The following TMEM200A variants were observed in gnomAD, a reference collection of about 807,000 sequenced individuals.
The protein encoded by TMEM200A is two transmembrane C.
In TMEM200A, 12 loss-of-function variants were observed where a neutral mutation model predicts 24.3. The ratio of observed to expected loss-of-function variants is 0.49; its 90% CI spans 0.32 to 0.80. TMEM200A has a LOEUF of 0.80. Ranked by LOEUF, TMEM200A falls within the 30% of genes least tolerant of loss-of-function variation. The pLI, the probability that TMEM200A is intolerant of heterozygous loss-of-function variation, is 0.04. For synonymous variants in TMEM200A, 224 were observed against 224.4 expected (o/e 1.00, Z 0.02); for missense variants, 545 against 614.4 (o/e 0.89, Z 1.19).
chr6:130,377,938 G>A (rs1778500504), intron 1 of TMEM200A, among the ~76,000 whole-genome samples: 8 of 152,182 alleles, frequency 5.3e-5, no homozygotes. Flanking sequence ...TCTGACATTT[G>A]AGCAGAGACC....
chr6:130,410,048 A>G (rs1175355842), intron 2 of TMEM200A, among the ~76,000 whole-genome samples: 2 of 152,340 alleles, frequency 1.3e-5, no homozygotes, highest in Admixed American at 6.5e-5. Flanking sequence ...ATTTCTTTAA[A>G]ATAAAATGCT....
intron 2 of TMEM200A, among the ~76,000 whole-genome samples, chr6:130,425,298 A>T (rs989171862): frequency 6.1e-5 from 9 of 148,382 alleles, no homozygotes; most frequent in African/African-American, 2.2e-4. Context: ...ATTGGTCTGG[A>T]TTGAAAACAA....
intron 2 of TMEM200A, among the ~76,000 whole-genome samples, chr6:130,400,269 G>A (rs1314791692): frequency 6.6e-6 from 1 of 151,998 alleles, no homozygotes; most frequent in Non-Finnish European, 1.5e-5. Context: ...ATACCCACTA[G>A]TGGGATTGCT....
At chr6:130,371,026 A>G (rs1405118777) in intron 1 of TMEM200A, among the ~76,000 whole-genome samples, 1 of 152,216 alleles carries the variant, frequency 6.6e-6, no homozygotes, top group Non-Finnish European at 1.5e-5. Context: ...GTTTCCAATT[A>G]GAGTAATGGC....
At chr6:130,438,445 C>G (rs1430493687) in intron 2 of TMEM200A, 1 of 152,164 alleles carries the variant, frequency 6.6e-6, no homozygotes, top group Non-Finnish European at 1.5e-5. Flanking sequence ...TTGCCAAAGA[C>G]CTTGTGGAAC....
At chr6:130,395,496 C>T (rs907723175) in intron 2 of TMEM200A, among the ~76,000 whole-genome samples, 6 of 152,204 alleles carry the variant, frequency 3.9e-5, no homozygotes, top group South Asian at 2.1e-4. Context: ...AATGATTATT[C>T]GAAACAACTA....
intron 1 of TMEM200A, among the ~76,000 whole-genome samples, chr6:130,384,078 A>G (rs1229979156): frequency 2.0e-5 from 3 of 152,114 alleles, no homozygotes; most frequent in African/African-American, 7.2e-5. Flanking sequence ...TGAGATGCCA[A>G]CACTGCACTC....
chr6:130,406,256 G>A (rs978279255), intron 2 of TMEM200A, among the ~76,000 whole-genome samples: 3 of 152,046 alleles, frequency 2.0e-5, no homozygotes, highest in African/African-American at 7.3e-5. Context: ...AAATATATGT[G>A]CAGCTTAAAG....
chr6:130,431,674 C>T (rs886116800), intron 2 of TMEM200A, among the ~76,000 whole-genome samples: 1 of 152,092 alleles, frequency 6.6e-6, no homozygotes, highest in Non-Finnish European at 1.5e-5. Context: ...TACTTGGCCT[C>T]CTGGAGACTT....
At chr6:130,419,070 C>T (rs1779521296) in intron 2 of TMEM200A, among the ~76,000 whole-genome samples, 1 of 152,088 alleles carries the variant, frequency 6.6e-6, no homozygotes, top group African/African-American at 2.4e-5. Context: ...TACCACCACT[C>T]CCCCTCAGTC....
chr6:130,430,861 G>C (rs1218653630), intron 2 of TMEM200A, among the ~76,000 whole-genome samples: 1 of 152,142 alleles, frequency 6.6e-6, no homozygotes, highest in Admixed American at 6.5e-5. Flanking sequence ...TGTTTGTATA[G>C]AATTTTAAGA....
chr6:130,407,604 A>G (rs1007493551), intron 2 of TMEM200A, among the ~76,000 whole-genome samples: 5 of 152,250 alleles, frequency 3.3e-5, no homozygotes, highest in African/African-American at 1.2e-4. Context: ...GATTTGGTCA[A>G]TATCATAAAT....
chr6:130,416,516 C>T (rs1034309880), intron 2 of TMEM200A, among the ~76,000 whole-genome samples: 28 of 152,136 alleles, frequency 1.8e-4, no homozygotes, highest in African/African-American at 6.5e-4. Flanking sequence ...TGGGCATCAT[C>T]TTGATAGCTG....
At chr6:130,372,247 AG>A (rs1441082419) in intron 1 of TMEM200A, among the ~76,000 whole-genome samples, 10 of 152,226 alleles carry the variant, frequency 6.6e-5, no homozygotes, top group Non-Finnish European at 1.3e-4. Context: ...ATGGTTGTGA[AG>A]GAAGACAGTA....
chr6:130,428,703 C>T (rs1239195095), intron 2 of TMEM200A, among the ~76,000 whole-genome samples: 1 of 152,136 alleles, frequency 6.6e-6, no homozygotes, highest in Non-Finnish European at 1.5e-5. Context: ...CTAAGTGATA[C>T]AGTTAGAAAA....
intron 2 of TMEM200A, among the ~76,000 whole-genome samples, chr6:130,424,781 A>AATT (rs1213253216): frequency 3.9e-5 from 6 of 152,074 alleles, no homozygotes; most frequent in Non-Finnish European, 8.8e-5. Flanking sequence ...GTTACCAGTG[A>AATT]ATTCTGTCTT....
intron 1 of TMEM200A, among the ~76,000 whole-genome samples, chr6:130,378,594 C>T (rs1778520590): frequency 6.6e-6 from 1 of 151,912 alleles, no homozygotes. Context: ...CATGGTGGCT[C>T]ATGCCTGTAA....
rs1338367250 is a variant in TMEM200A, at chr6:130,366,177, G to T, written c.-428G>T. ...CAGGCGCGCCTGGACTCTGCGCCCGGATGGCGGCGGCCCTCTGTGAGCACC... is the reference window on the plus strand; with the variant it reads ...CAGGCGCGCCTGGACTCTGCGCCCGTATGGCGGCGGCCCTCTGTGAGCACC... On this transcript the variant is annotated 5_prime_UTR_variant, in exon 1 of 3. Coordinates refer to ENST00000296978, the MANE Select transcript of TMEM200A (RefSeq NM_001258277.2). The surrounding 1 kb of genome is among the most constrained non-coding windows in gnomAD (Gnocchi z 4.4). 1 of 985,134 alleles carries T rather than the reference G, an allele frequency of 1.0e-6. No individual in the cohort carries two copies. The highest frequency in any genetic ancestry group is 1.1e-4 in the East Asian group (1 of 8,806). 61.0% of individuals were successfully genotyped at this position (985,134 alleles called of 1,614,324 possible). A position where few individuals can be genotyped will look rare whatever the true frequency, so the allele number is the denominator to read the frequency against.
At chr6:130,415,333 G>A (rs1233893130) in intron 2 of TMEM200A, among the ~76,000 whole-genome samples, 2 of 152,144 alleles carry the variant, frequency 1.3e-5, no homozygotes, top group Admixed American at 6.5e-5. Context: ...TGAGCAGAAG[G>A]TTCCTGTGTA....
Sources: gnomAD v4.1 joint callset for allele counts (sites outside exome capture counted in the v4.1 genomes callset) on GRCh38, gnomAD v4.1.1 for gene constraint, Gnocchi (gnomAD v3.1) non-coding constraint, MANE v1.5 for transcripts, NCBI Gene and HGNC (gene_info 2026-07-23, HGNC 2026-07-21) for gene names.